Variants in MTUS2 observed in about 807,000 individuals in gnomAD.
The protein encoded by MTUS2 is microtubule associated scaffold protein 2.
A neutral mutation model predicts 114.1 loss-of-function variants in MTUS2; 40 were observed. The observed-to-expected ratio is 0.35, with a 90% confidence interval of 0.27 to 0.46. MTUS2 has a LOEUF of 0.46. Among genes scored for constraint, MTUS2 ranks in the 20% least tolerant of loss-of-function variants. The pLI, the probability that MTUS2 is intolerant of heterozygous loss-of-function variation, is 1.00. For missense variants in MTUS2, 1,679 were observed against 1,705.4 expected (o/e 0.98, Z 0.27); for synonymous variants, 688 against 672.0 (o/e 1.02, Z -0.37).
chr13:29,440,045 A>T lies in MTUS2; in HGVS notation c.3180A>T (p.Glu1060Asp). 1 of 1,581,942 alleles carries T rather than the reference A, an allele frequency of 6.3e-7. No homozygotes were observed. The highest frequency in any genetic ancestry group is 8.6e-7 in the Non-Finnish European group (1 of 1,161,912). ...TCGAACTTGCAAACATCAGGGATGAAGTTGGTAAGTAGGGCATTGACAATG... is the reference window on the plus strand; with the variant it reads ...TCGAACTTGCAAACATCAGGGATGATGTTGGTAAGTAGGGCATTGACAATG... Reference protein sequence around the residue: ...LSIELANIRDEVAFHTAKCEK... With the variant: ...LSIELANIRDDVAFHTAKCEK... The change falls in exon 9 of 16, where the codon GAA (glutamate) becomes GAT (aspartate). Residue 1060 changes from glutamate to aspartate, a missense_variant. Around this residue, in one of 3 missense-constraint regions of MTUS2, gnomAD observed 822 missense variants for 899.7 expected, o/e 0.91. Coordinates refer to ENST00000612955, the MANE Select transcript of MTUS2 (RefSeq NM_001033602.4).
intron 2 of MTUS2, among the ~76,000 whole-genome samples, chr13:28,951,504 A>G (rs965831248): frequency 1.3e-5 from 2 of 152,138 alleles, no homozygotes; most frequent in African/African-American, 4.8e-5. Context: ...ATTAAAAAAA[A>G]TTAAAGTCTT....
intron 4 of MTUS2, among the ~76,000 whole-genome samples, chr13:29,083,898 A>G (rs1889554364): frequency 6.6e-6 from 1 of 152,208 alleles, no homozygotes; most frequent in Admixed American, 6.5e-5. Context: ...TTTTAGGACA[A>G]TGAATGCTAT....
intron 4 of MTUS2, among the ~76,000 whole-genome samples, chr13:29,089,978 T>C (rs1414534058): frequency 6.6e-6 from 1 of 152,202 alleles, no homozygotes; most frequent in African/African-American, 2.4e-5. Context: ...GGGGAGCTAA[T>C]GTGGTCATTT....
rs547842035 is a variant in MTUS2, at chr13:28,897,561, G to T, written c.-243+57711G>T. ...TCCCATTACTGGGTATATACCCAAA[G>T]GACTATAAATCATGCTGCTATAAAG... On this transcript the variant is annotated intron_variant, in intron 2 of 15. Transcript: ENST00000612955. 4.5e-3 allele frequency among the ~76,000 whole-genome samples: 688 copies of T among 152,176 alleles called. 7 individuals carry two copies. The highest frequency in any genetic ancestry group is 0.016 in the African/African-American group (668 of 41,500).
At chr13:29,099,643 A>G (rs1890326066) in intron 4 of MTUS2, among the ~76,000 whole-genome samples, 1 of 152,194 alleles carries the variant, frequency 6.6e-6, no homozygotes, top group Non-Finnish European at 1.5e-5. Context: ...TTTACTGGAT[A>G]ATGAAGACTT....
chr13:29,092,408 C>T (rs1391245222), intron 4 of MTUS2, among the ~76,000 whole-genome samples: 1 of 152,204 alleles, frequency 6.6e-6, no homozygotes, highest in Non-Finnish European at 1.5e-5. Context: ...GACCCAGCCA[C>T]GCTGGGTGGG....
At chr13:29,086,264 G>A (rs182009120) in intron 4 of MTUS2, among the ~76,000 whole-genome samples, 140 of 152,298 alleles carry the variant, frequency 9.2e-4, no homozygotes, top group African/African-American at 3.3e-3. Context: ...TTGTTTTGCT[G>A]TGCAGAAGAT....
chr13:28,995,796 G>C lies in MTUS2; in HGVS notation c.-242-28661G>C, dbSNP rs368422096. 4.5e-4 allele frequency among the ~76,000 whole-genome samples: 69 copies of C among 152,300 alleles called. 1 individual carries two copies. The South Asian group carries it at 6.8e-3, about 15-fold the overall frequency. On this transcript the variant is annotated intron_variant, in intron 2 of 15. Coordinates refer to ENST00000612955, the MANE Select transcript of MTUS2 (RefSeq NM_001033602.4). ...GCCTATCAGCTTAAGGAGATTTTGGGCTGAGAAAATGGCGTTTTCTAGGTA... is the reference window on the plus strand; with the variant it reads ...GCCTATCAGCTTAAGGAGATTTTGGCCTGAGAAAATGGCGTTTTCTAGGTA...
intron 10 of MTUS2, among the ~76,000 whole-genome samples, chr13:29,482,910 T>G (rs890552504): frequency 6.6e-6 from 1 of 152,196 alleles, no homozygotes; most frequent in Admixed American, 6.5e-5. Context: ...GGCTTCAGTT[T>G]CCCTAGCAGA....
intron 2 of MTUS2, among the ~76,000 whole-genome samples, chr13:28,960,198 T>C (rs1488834917): frequency 2.0e-5 from 3 of 152,046 alleles, no homozygotes; most frequent in Non-Finnish European, 4.4e-5. Flanking sequence ...TCACACCCAC[T>C]AGGATGGCTA....
At chr13:28,906,899 G>T (rs1013708565) in intron 2 of MTUS2, among the ~76,000 whole-genome samples, 1 of 151,360 alleles carries the variant, frequency 6.6e-6, no homozygotes, top group African/African-American at 2.4e-5. Context: ...GAAATACAGA[G>T]AACGCCACAA....
intron 5 of MTUS2, among the ~76,000 whole-genome samples, chr13:29,111,421 G>T (rs1003506833): frequency 1.1e-4 from 17 of 152,130 alleles, no homozygotes; most frequent in Non-Finnish European, 2.2e-4. Context: ...GAGCATCTTG[G>T]ATTATTAGTC....
At chr13:28,856,270 A>G (rs1401941906) in intron 2 of MTUS2, among the ~76,000 whole-genome samples, 4 of 152,348 alleles carry the variant, frequency 2.6e-5, no homozygotes, top group South Asian at 2.1e-4. Context: ...AGCTGGACAC[A>G]TTGCACATTT....
chr13:29,100,043 A>G (rs1211915286), intron 4 of MTUS2, among the ~76,000 whole-genome samples: 1 of 152,216 alleles, frequency 6.6e-6, no homozygotes, highest in Non-Finnish European at 1.5e-5. Flanking sequence ...AAAAGGAGAA[A>G]AGAAATCTAA....
At chr13:29,211,404 G>A (rs1352294733) in intron 5 of MTUS2, among the ~76,000 whole-genome samples, 9 of 152,398 alleles carry the variant, frequency 5.9e-5, no homozygotes, top group East Asian at 1.9e-4. Flanking sequence ...CAGGTTTCAC[G>A]CCTCCCCACC....
chr13:29,017,446 A>G (rs1886113208), intron 2 of MTUS2, among the ~76,000 whole-genome samples: 1 of 152,246 alleles, frequency 6.6e-6, no homozygotes, highest in African/African-American at 2.4e-5. Context: ...CAGACCTGGC[A>G]GCTAAGGAGA....
intron 4 of MTUS2, among the ~76,000 whole-genome samples, chr13:29,074,518 T>A (rs1189279819): frequency 6.6e-6 from 1 of 152,250 alleles, no homozygotes; most frequent in East Asian, 1.9e-4. Context: ...CAATGATTAT[T>A]TCTCAAACTC....
intron 5 of MTUS2, among the ~76,000 whole-genome samples, chr13:29,126,747 A>G (rs952765383): frequency 3.3e-5 from 5 of 151,858 alleles, no homozygotes; most frequent in African/African-American, 1.2e-4. Context: ...CCCCTGCTCT[A>G]CTTCATCCTA....
At chr13:29,384,851 T>C (rs569423052) in intron 8 of MTUS2, among the ~76,000 whole-genome samples, 11 of 152,344 alleles carry the variant, frequency 7.2e-5, no homozygotes, top group South Asian at 6.2e-4. Flanking sequence ...TTAACAGTTA[T>C]TTCTAGCTGA....
Sources: allele counts gnomAD v4.1 joint callset (sites outside exome capture counted in the v4.1 genomes callset), GRCh38; gene constraint gnomAD v4.1.1; regional missense constraint gnomAD v4.1.1; transcripts MANE v1.5; gene names NCBI Gene and HGNC (gene_info 2026-07-23, HGNC 2026-07-21).